Variants in DNAJC10 observed in about 807,000 individuals in gnomAD.
The protein encoded by DNAJC10 is DnaJ heat shock protein family (Hsp40) member C10, also known as endoplasmic reticulum disulfide reductase DNAJC10.
A neutral mutation model predicts 115.0 loss-of-function variants in DNAJC10; 101 were observed. That is an observed-to-expected ratio of 0.88 (90% CI 0.75 to 1.04). DNAJC10 has a LOEUF of 1.04. DNAJC10 is among the 50% of genes least tolerant of loss of function. The pLI is 0.00. For missense variants in DNAJC10, 981 were observed against 928.8 expected, an observed-to-expected ratio of 1.06 and a Z score of -0.73; for synonymous variants, 307 against 301.5, an observed-to-expected ratio of 1.02 and a Z score of -0.19.
chr2:182,726,353 A>G (rs1029227785), intron 5 of DNAJC10, among the ~76,000 whole-genome samples: 2 of 152,154 alleles, frequency 1.3e-5, no homozygotes, highest in South Asian at 2.1e-4. Flanking sequence ...ATGGATGAGC[A>G]GAGAAAGTGA....
chr2:182,768,604 G>C (rs1694476485), intron 22 of DNAJC10, among the ~76,000 whole-genome samples: 2 of 152,178 alleles, frequency 1.3e-5, no homozygotes, highest in Admixed American at 1.3e-4. Flanking sequence ...GGGGATTAGA[G>C]TTCACACCAA....
chr2:182,718,371 C>G (rs1176825760), intron 3 of DNAJC10, 81 bp downstream of exon 3: 6 of 1,120,132 alleles, frequency 5.4e-6, no homozygotes, highest in Admixed American at 2.6e-5. Context: ...TTTAAATGAT[C>G]AAATGCTTAA....
intron 11 of DNAJC10, chr2:182,739,442 A>C (rs925359691): frequency 8.5e-5 from 72 of 845,432 alleles, no homozygotes; most frequent in Non-Finnish European, 1.0e-4. Context: ...TAAACTGTTA[A>C]ACATAGATGG....
intron 14 of DNAJC10, among the ~76,000 whole-genome samples, chr2:182,745,272 A>G (rs1574936645): frequency 5.9e-5 from 9 of 152,208 alleles, no homozygotes; most frequent in Admixed American, 5.9e-4. Context: ...CAGTTTTTCC[A>G]GTCTTAATTC....
chr2:182,749,080 G>A (rs1314609188), intron 14 of DNAJC10, among the ~76,000 whole-genome samples: 1 of 152,136 alleles, frequency 6.6e-6, no homozygotes, highest in Non-Finnish European at 1.5e-5. Context: ...TTCCAAGGGT[G>A]TGGCCAATTT....
intron 2 of DNAJC10, 105 bp downstream of exon 2, chr2:182,717,177 A>G (rs1693016047): frequency 6.6e-6 from 1 of 152,220 alleles, no homozygotes; most frequent in Admixed American, 6.5e-5. Flanking sequence ...CTTTGGAACT[A>G]AAATATAGTG....
intron 6 of DNAJC10, 100 bp from the exon 7 acceptor site, chr2:182,728,763 A>G: frequency 6.6e-7 from 1 of 1,507,684 alleles, no homozygotes; most frequent in South Asian, 1.2e-5. Context: ...ATAATTATCA[A>G]ATACTTTAAA....
intron 18 of DNAJC10, among the ~76,000 whole-genome samples, chr2:182,756,673 A>G (rs1194019186): frequency 4.6e-5 from 7 of 151,656 alleles, no homozygotes; most frequent in African/African-American, 7.3e-5. Flanking sequence ...AGCATCTGGT[A>G]CACTTTTTTT....
intron 3 of DNAJC10, among the ~76,000 whole-genome samples, chr2:182,719,528 C>T (rs1334330351): frequency 6.6e-6 from 1 of 151,614 alleles, no homozygotes; most frequent in Non-Finnish European, 1.5e-5. Context: ...GTACTGGGAT[C>T]GATTTTGGGG....
rs1694887879 is a variant in DNAJC10 at position 182,783,290 on chromosome 2, T to C, written c.*6158T>C. 1 of 152,228 alleles carries C rather than the reference T, an allele frequency of 6.6e-6. No homozygotes were observed. The allele number at this position is 152,228 out of a possible 1,614,324, so 9.4% of individuals were successfully genotyped here. On this transcript the variant is annotated 3_prime_UTR_variant, in exon 24 of 24. Coordinates refer to ENST00000264065, the MANE Select transcript of DNAJC10 (RefSeq NM_018981.4). ...AACTTGAATTCTAAGTGGCTATTTA[T>C]ATTACCAAGCGGTAAAACATTAGCT... is the stretch of plus-strand genomic sequence containing the variant.
rs1030420411 is a variant in DNAJC10, at chr2:182,778,247, A to G, written c.*1115A>G. On this transcript the variant is annotated 3_prime_UTR_variant, in exon 24 of 24. Coordinates refer to ENST00000264065, the MANE Select transcript of DNAJC10 (RefSeq NM_018981.4). The stretch of plus-strand genomic sequence containing the variant: ...TTACTGTAGCTTATAATGATACTGT[A>G]GTTATTCCAGTTACTAGTTTACTGT... 2 of 152,174 alleles carry G rather than the reference A, an allele frequency of 1.3e-5. No homozygotes were observed. The highest frequency in any genetic ancestry group is 1.3e-4 in the Admixed American group (2 of 15,260). The allele number at this position is 152,174 out of a possible 1,614,324, so 9.4% of individuals were successfully genotyped here.
intron 22 of DNAJC10, among the ~76,000 whole-genome samples, chr2:182,771,900 A>C (rs1694573935): frequency 6.6e-6 from 1 of 151,920 alleles, no homozygotes; most frequent in Non-Finnish European, 1.5e-5. Context: ...CAGTTCTTTT[A>C]ATTGTGATGT....
chr2:182,736,263 T>A lies in DNAJC10; in HGVS notation c.864T>A (p.Asn288Lys), dbSNP rs747832908. 6.4e-7 allele frequency: 1 copy of A among 1,573,484 alleles called. No homozygotes were observed. Among genetic ancestry groups the A allele is most frequent in the Non-Finnish European group, 8.6e-7 (1 of 1,166,216 alleles). The change falls in exon 11 of 24, where the codon AAT (asparagine) becomes AAA (lysine). Residue 288 changes from asparagine to lysine, a missense_variant. Transcript: ENST00000264065. ...RLSGMLDGLV[N>K]VGWMDCATQD... ...TTCCATTTTAGGATGGTCTTGTTAA[T>A]GTAGGATGGATGGACTGTGCCACCC... is the stretch of plus-strand genomic sequence containing the variant.
chr2:182,740,383 C>A lies in DNAJC10; in HGVS notation c.1072C>A (p.Leu358Ile). The A allele has an allele frequency of 1.3e-6, 2 of 1,567,250 alleles. No homozygotes were observed. The highest frequency in any genetic ancestry group is 1.3e-5 in the South Asian group (1 of 78,866). ...TTTTGAACTACTTTCGGCAAACACA[C>A]TAGAGGTAATGTTTTTATTAATAAT... ...PDFELLSANT[L>I]EDRLAHHRWL... The change falls in exon 12 of 24, where the codon CTA becomes ATA. Residue 358 changes from leucine to isoleucine, a missense_variant. Coordinates refer to ENST00000264065, the MANE Select transcript of DNAJC10 (RefSeq NM_018981.4).
At position 182,791,814 on chromosome 2, in the gene DNAJC10, G is replaced by A. The variant is rs1035320481; in HGVS notation, c.*14682G>A. 6 of 152,154 alleles carry A rather than the reference G, an allele frequency of 3.9e-5. No individual in the cohort carries two copies. The highest frequency in any genetic ancestry group is 6.5e-5 in the Admixed American group (1 of 15,282). The allele number at this position is 152,154 out of a possible 1,614,324, so 9.4% of individuals were successfully genotyped here. The stretch of plus-strand genomic sequence containing the variant: ...ATACATGATAAGATTTGCAGTTATC[G>A]TTTAATTAATTGCAATATGGAAATA... On this transcript the variant is annotated 3_prime_UTR_variant, in exon 24 of 24. Coordinates refer to ENST00000264065, the MANE Select transcript of DNAJC10 (RefSeq NM_018981.4).
At chr2:182,728,058 A>G (rs1693336355) in intron 5 of DNAJC10, among the ~76,000 whole-genome samples, 1 of 152,212 alleles carries the variant, frequency 6.6e-6, no homozygotes, top group Non-Finnish European at 1.5e-5. Context: ...TAATCCCCGC[A>G]ATCCTTACTG....
chr2:182,759,901 A>T (rs1475461743), intron 21 of DNAJC10, among the ~76,000 whole-genome samples: 1 of 152,158 alleles, frequency 6.6e-6, no homozygotes, highest in East Asian at 1.9e-4. Flanking sequence ...TGCTTAAAAA[A>T]AAAAATTCCC....
In DNAJC10 at chr2:182,769,329, G is replaced by A. The variant is rs551099357; in HGVS notation, c.2266-5987G>A. ...ATAGTAGCATGATTTATAATCCTCT[G>A]GGTCTATACCCAGTAGTGGGATTGC... On this transcript the variant is annotated intron_variant, in intron 22 of 23. Coordinates refer to ENST00000264065, the MANE Select transcript of DNAJC10 (RefSeq NM_018981.4). 3.3e-5 allele frequency among the ~76,000 whole-genome samples: 5 copies of A among 152,206 alleles called. No homozygotes were observed. The South Asian group carries it at 1.0e-3, about 32-fold the overall frequency.
chr2:182,734,738 T>C (rs535328349), intron 10 of DNAJC10, among the ~76,000 whole-genome samples: 1 of 151,912 alleles, frequency 6.6e-6, no homozygotes, highest in African/African-American at 2.4e-5. Context: ...TTTTGATGCT[T>C]TGTTATTAGA....
Sources: gnomAD v4.1 joint callset for allele counts (sites outside exome capture counted in the v4.1 genomes callset) on GRCh38, gnomAD v4.1.1 for gene constraint, MANE v1.5 for transcripts, NCBI Gene and HGNC (gene_info 2026-07-23, HGNC 2026-07-21) for gene names.